The following CATSPERB variants were observed in gnomAD, a reference collection of about 807,000 sequenced individuals.
CATSPERB encodes the protein cation channel sperm-associated auxiliary subunit beta.
In CATSPERB, 93 loss-of-function variants were observed where a neutral mutation model predicts 128.3. The observed-to-expected ratio is 0.72, with a 90% CI of 0.61 to 0.86. The LOEUF is 0.86. Ranked by LOEUF, CATSPERB falls within the 40% of genes least tolerant of loss-of-function variation. The pLI is 0.00. For synonymous variants in CATSPERB, 381 were observed against 448.8 expected, an observed-to-expected ratio of 0.85 and a Z score of 1.91; for missense variants, 1,153 against 1,329.5, an observed-to-expected ratio of 0.87 and a Z score of 2.06.
At chr14:91,713,530 A>T (rs954786415) in intron 5 of CATSPERB, among the ~76,000 whole-genome samples, 1 of 152,214 alleles carries the variant, frequency 6.6e-6, no homozygotes, top group Non-Finnish European at 1.5e-5. Flanking sequence ...ATAAGAAGGG[A>T]ATATCACAAA....
At chr14:91,696,840 A>C (rs1270136305) in intron 7 of CATSPERB, among the ~76,000 whole-genome samples, 3 of 152,196 alleles carry the variant, frequency 2.0e-5, no homozygotes, top group Non-Finnish European at 2.9e-5. Flanking sequence ...TGCAGCAGAG[A>C]TATTTCTTAC....
chr14:91,669,935 C>G lies in CATSPERB; in HGVS notation c.1166G>C (p.Arg389Thr). 6.2e-7 allele frequency: 1 copy of G among 1,613,330 alleles called. No individual in the cohort carries two copies. Among genetic ancestry groups the G allele is most frequent in the Non-Finnish European group, 8.5e-7 (1 of 1,179,758 alleles). ...TGATTGTGAATTTGGTTCATTATTT[C>G]TCAGGGTGCTCACAGAGGCAATGGC... ...KTAIASVSTLRNNEPNSQSKF... is the reference protein window; with the variant it reads ...KTAIASVSTLTNNEPNSQSKF... Residue 389 changes from arginine to threonine, a missense_variant, in exon 14 of 27, where the codon AGA becomes ACA. Arg to Thr is a moderately conservative substitution (Grantham distance 71, BLOSUM62 -1). Transcript: ENST00000256343.
At chr14:91,686,952 A>G (rs1029765273) in intron 10 of CATSPERB, among the ~76,000 whole-genome samples, 2 of 152,216 alleles carry the variant, frequency 1.3e-5, no homozygotes, top group African/African-American at 4.8e-5. Flanking sequence ...AAAGAAAAAG[A>G]GGCTATTCTC....
chr14:91,610,898 G>C (rs1372592980), intron 20 of CATSPERB, among the ~76,000 whole-genome samples: 1 of 151,456 alleles, frequency 6.6e-6, no homozygotes. Flanking sequence ...AGGAGATTAG[G>C]ATATAGACAA....
intron 7 of CATSPERB, among the ~76,000 whole-genome samples, chr14:91,700,942 C>T (rs1011124754): frequency 1.3e-5 from 2 of 152,078 alleles, no homozygotes; most frequent in Non-Finnish European, 1.5e-5. Flanking sequence ...AACAAACCTG[C>T]ACATGTACCT....
rs1895857267 is a variant in CATSPERB at position 91,712,568 on chromosome 14, A to G, written c.371-4332T>C. The stretch of plus-strand genomic sequence containing the variant: ...AAACAATAACAAACATGGCAGGCTA[A>G]CTGAGGGCTTTTGTATTGCATCGTT... On this transcript the variant is annotated intron_variant, in intron 5 of 26. Transcript: ENST00000256343. Among the ~76,000 whole-genome samples the G allele has an allele frequency of 4.6e-5, 7 of 152,354 alleles. No individual in the cohort carries two copies. The South Asian group carries it at 1.5e-3, about 32-fold the overall frequency.
rs1893984069 is a variant in CATSPERB, at chr14:91,618,386, A to T, written c.2261-650T>A. Among the ~76,000 whole-genome samples the T allele has an allele frequency of 2.6e-5, 4 of 152,196 alleles. No homozygotes were observed. In the South Asian group the frequency reaches 8.3e-4, roughly 32 times the overall value. On this transcript the variant is annotated intron_variant, in intron 19 of 26. Coordinates refer to ENST00000256343, the MANE Select transcript of CATSPERB (RefSeq NM_024764.4). ...ATGCAACCCAGTAGGTCTCAGCCTC[A>T]TTTTACCCAGCTCCTATTCAAGATG...
At chr14:91,692,175 CAAAAAAA>C (rs748422210) in intron 9 of CATSPERB, among the ~76,000 whole-genome samples, 4 of 55,512 alleles carry the variant, frequency 7.2e-5, no homozygotes, top group South Asian at 1.2e-3. Context: ...GACTCAGTCT[CAAAAAAA>C]AAAAAAAAAA....
intron 5 of CATSPERB, among the ~76,000 whole-genome samples, chr14:91,716,862 A>G (rs534326030): frequency 4.9e-4 from 75 of 152,274 alleles, no homozygotes; most frequent in Non-Finnish European, 8.4e-4. Flanking sequence ...TATAAAGTTA[A>G]GCTTATACTT....
chr14:91,625,502 C>G (rs1481732095), intron 17 of CATSPERB, among the ~76,000 whole-genome samples: 4 of 152,096 alleles, frequency 2.6e-5, no homozygotes, highest in Admixed American at 2.6e-4. Context: ...AATGATATTA[C>G]ATGATTTACT....
chr14:91,598,788 G>GA (rs1380421298), intron 22 of CATSPERB, among the ~76,000 whole-genome samples: 3 of 151,066 alleles, frequency 2.0e-5, no homozygotes, highest in Non-Finnish European at 2.9e-5. Context: ...AACCTGGGAG[G>GA]TGGAGCTTGC....
At chr14:91,619,553 TAA>T (rs766083266) in intron 19 of CATSPERB, among the ~76,000 whole-genome samples, 112,632 of 149,160 alleles carry the variant, frequency 0.76, 43,309 homozygotes, top group East Asian at 0.9. Context: ...GCCTTTTTTT[TAA>T]AAAAAAAATA....
Position 91,663,106 on chromosome 14 carries a change from C to T in CATSPERB, c.1288-3125G>A, listed in dbSNP as rs527532677. ...CCACCTCCTTCTCCTCTTCTGCTTCCCCCTCCTCCTTTTTTTAAAAAGAGG... is the reference window on the plus strand; with the variant it reads ...CCACCTCCTTCTCCTCTTCTGCTTCTCCCTCCTCCTTTTTTTAAAAAGAGG... On this transcript the variant is annotated intron_variant, in intron 14 of 26. Transcript: ENST00000256343. Among the ~76,000 whole-genome samples, 11 of 152,046 alleles carry T rather than the reference C, an allele frequency of 7.2e-5. No individual in the cohort carries two copies. In the South Asian group the frequency reaches 1.9e-3, roughly 26 times the overall value.
At chr14:91,636,317 C>T (rs1436999067) in intron 17 of CATSPERB, 108 bp downstream of exon 17, 22 of 957,314 alleles carry the variant, frequency 2.3e-5, no homozygotes, top group South Asian at 4.8e-5. Flanking sequence ...GAGCTGTCAT[C>T]GCACTACTGC....
rs1485129396 is a variant in CATSPERB at position 91,654,879 on chromosome 14, C to A, written c.1432+4958G>T. Among the ~76,000 whole-genome samples the A allele has an allele frequency of 2.6e-5, 4 of 152,278 alleles. No individual in the cohort carries two copies. In the South Asian group the frequency reaches 8.3e-4, roughly 32 times the overall value. On this transcript the variant is annotated intron_variant, in intron 15 of 26. Transcript: ENST00000256343. ...CTACAAGGGTGCTTGCATCACCCCT[C>A]CCCTAGCTCCAGGCAGCTTAGCACA...
At chr14:91,669,763 G>A in intron 14 of CATSPERB, 51 bp downstream of exon 14, 4 of 1,538,172 alleles carry the variant, frequency 2.6e-6, no homozygotes, top group Non-Finnish European at 3.5e-6. Flanking sequence ...GCAGCATACA[G>A]TAGGTGGATG....
At chr14:91,719,074 T>C (rs1895988780) in intron 5 of CATSPERB, among the ~76,000 whole-genome samples, 1 of 152,206 alleles carries the variant, frequency 6.6e-6, no homozygotes, top group Non-Finnish European at 1.5e-5. Flanking sequence ...GCTTATAACA[T>C]ATTAAAACTA....
At chr14:91,613,593 G>GCTGCCCACTGATTGCAGGCA (rs1436502676) in intron 20 of CATSPERB, among the ~76,000 whole-genome samples, 1 of 152,184 alleles carries the variant, frequency 6.6e-6, no homozygotes, top group Non-Finnish European at 1.5e-5. Flanking sequence ...CCTTGGAGAT[G>GCTGCCCACTGATTGCAGGCA]CTGCCCACTG....
At chr14:91,647,211 G>A (rs926078561) in intron 15 of CATSPERB, among the ~76,000 whole-genome samples, 1 of 152,110 alleles carries the variant, frequency 6.6e-6, no homozygotes, top group South Asian at 2.1e-4. Flanking sequence ...TTAACAAGAC[G>A]ACTTTGTTGT....
Sources: allele counts gnomAD v4.1 joint callset (sites outside exome capture counted in the v4.1 genomes callset), GRCh38; gene constraint gnomAD v4.1.1; transcripts MANE v1.5; gene names NCBI Gene and HGNC (gene_info 2026-07-23, HGNC 2026-07-21).